PARPBP: variants seen among roughly 807,000 people sequenced by gnomAD.
PARPBP encodes PARP1 binding protein.
A neutral mutation model predicts 50.0 loss-of-function variants in PARPBP; 52 were observed. The observed-to-expected ratio is 1.04, with a 90% CI of 0.83 to 1.31. The LOEUF is 1.31. Among genes scored for constraint, PARPBP ranks in the 50% most tolerant of loss-of-function variants. The pLI, the probability that PARPBP is intolerant of heterozygous loss-of-function variation, is 0.00. For missense variants in PARPBP, 697 were observed against 672.0 expected, an observed-to-expected ratio of 1.04 and a Z score of -0.41; for synonymous variants, 244 against 232.1, an observed-to-expected ratio of 1.05 and a Z score of -0.47.
At chr12:102,188,276 TC>T (rs1474848404) in intron 9 of PARPBP, among the ~76,000 whole-genome samples, 4 of 151,934 alleles carry the variant, frequency 2.6e-5, no homozygotes, top group Non-Finnish European at 5.9e-5. Context: ...TTTTTTTTTT[TC>T]AAGATATTTG....
intron 3 of PARPBP, chr12:102,151,563 C>T (rs1017094254): frequency 1.3e-6 from 2 of 1,533,268 alleles, no homozygotes; most frequent in Non-Finnish European, 1.7e-6. Context: ...TCTGATCTAC[C>T]TGGCAGGGGT....
chr12:102,191,142 G>A (rs1890752603), intron 9 of PARPBP, among the ~76,000 whole-genome samples: 1 of 152,100 alleles, frequency 6.6e-6, no homozygotes, highest in Non-Finnish European at 1.5e-5. Flanking sequence ...AACTCTGGAA[G>A]GCATCATTTT....
At chr12:102,161,745 A>T (rs1335301998) in intron 4 of PARPBP, among the ~76,000 whole-genome samples, 1 of 152,194 alleles carries the variant, frequency 6.6e-6, no homozygotes, top group African/African-American at 2.4e-5. Context: ...ACATAGTGAA[A>T]TATTGTATCC....
chr12:102,144,145 A>G (rs1377640016), intron 2 of PARPBP, among the ~76,000 whole-genome samples: 2 of 152,228 alleles, frequency 1.3e-5, no homozygotes, highest in African/African-American at 4.8e-5. Context: ...ATAGCCCATT[A>G]GTGCTCTTAA....
At chr12:102,164,715 G>T in intron 5 of PARPBP, 107 bp downstream of exon 5, 3 of 859,598 alleles carry the variant, frequency 3.5e-6, no homozygotes, top group Non-Finnish European at 5.8e-6. Flanking sequence ...GTTAATTTAT[G>T]TTCTACCTCT....
chr12:102,127,658 G>A (rs916299407), intron 2 of PARPBP, among the ~76,000 whole-genome samples: 2 of 152,078 alleles, frequency 1.3e-5, no homozygotes, highest in African/African-American at 4.8e-5. Flanking sequence ...TGACCTGGAG[G>A]TTGGTTCTAT....
At chr12:102,140,663 C>T (rs1277548845) in intron 2 of PARPBP, among the ~76,000 whole-genome samples, 1 of 152,170 alleles carries the variant, frequency 6.6e-6, no homozygotes, top group Non-Finnish European at 1.5e-5. Context: ...AAATGTGTCC[C>T]AGAGATTCTG....
At chr12:102,135,536 C>CAAA (rs34890863) in intron 2 of PARPBP, among the ~76,000 whole-genome samples, 63 of 50,434 alleles carry the variant, frequency 1.2e-3, no homozygotes, top group Middle Eastern at 7.7e-3. Context: ...ACTCCGTCTC[C>CAAA]AAAAAAAAAA....
rs1041032021 is a variant in PARPBP, at chr12:102,155,049, G to C, written c.495+1073G>C. ...ATTGCTTGCCAATCAGAAAATCTTTGAATCTACCTATGACCTATAAGCCCC... is the reference window on the plus strand; with the variant it reads ...ATTGCTTGCCAATCAGAAAATCTTTCAATCTACCTATGACCTATAAGCCCC... On this transcript the variant is annotated intron_variant, in intron 4 of 10. Coordinates refer to ENST00000327680, the MANE Select transcript of PARPBP (RefSeq NM_017915.5). The C allele has an allele frequency of 1.0e-4, 32 of 318,320 alleles. 1 individual carries two copies. In the Admixed American group the frequency reaches 1.1e-3, roughly 11 times the overall value. 19.7% of individuals were successfully genotyped at this position (318,320 alleles called of 1,614,324 possible).
intron 4 of PARPBP, chr12:102,155,188 C>A: frequency 6.3e-6 from 1 of 159,124 alleles, no homozygotes; most frequent in Non-Finnish European, 1.4e-5. Flanking sequence ...GAGGCTGAGG[C>A]AGGGGAATTG....
At chr12:102,170,905 C>CTTTTTTTTTTTTTT (rs56390964) in intron 6 of PARPBP, among the ~76,000 whole-genome samples, 2 of 113,306 alleles carry the variant, frequency 1.8e-5, no homozygotes, top group East Asian at 2.5e-4. Context: ...TTTAATTTTT[C>CTTTTTTTTTTTTTT]TTTTTTTTTT....
chr12:102,123,503 T>G (rs1176562794), intron 1 of PARPBP, among the ~76,000 whole-genome samples: 2 of 151,630 alleles, frequency 1.3e-5, no homozygotes, highest in Admixed American at 1.3e-4. Context: ...TTTAGGTTTT[T>G]TTTTTTTTTT....
intron 2 of PARPBP, among the ~76,000 whole-genome samples, chr12:102,144,545 T>G (rs977411632): frequency 6.6e-6 from 1 of 152,206 alleles, no homozygotes; most frequent in African/African-American, 2.4e-5. Flanking sequence ...AAAATGTTTT[T>G]ACAATCCCAG....
At chr12:102,166,836 C>G (rs983764952) in intron 6 of PARPBP, among the ~76,000 whole-genome samples, 2 of 151,934 alleles carry the variant, frequency 1.3e-5, no homozygotes, top group Non-Finnish European at 2.9e-5. Flanking sequence ...ATATGGATAT[C>G]CATTACAAAG....
At chr12:102,170,905 C>CTTTTTTTTTTTTTTTTTTTTTTTT (rs56390964) in intron 6 of PARPBP, among the ~76,000 whole-genome samples, 1 of 113,312 alleles carries the variant, frequency 8.8e-6, no homozygotes, top group Non-Finnish European at 1.9e-5. Context: ...TTTAATTTTT[C>CTTTTTTTTTTTTTTTTTTTTTTTT]TTTTTTTTTT....
chr12:102,159,520 T>C (rs1367550120), intron 4 of PARPBP, among the ~76,000 whole-genome samples: 1 of 152,232 alleles, frequency 6.6e-6, no homozygotes, highest in Admixed American at 6.5e-5. Context: ...TGTTTACTAA[T>C]ATGACACCAG....
chr12:102,195,557 G>A, intron 10 of PARPBP, 110 bp downstream of exon 10: 3 of 798,568 alleles, frequency 3.8e-6, no homozygotes, highest in South Asian at 1.7e-5. Context: ...AAATGTAAAG[G>A]GTAATATTTT....
At chr12:102,120,563 G>T in intron 1 of PARPBP, 1 of 453,538 alleles carries the variant, frequency 2.2e-6, no homozygotes, top group Non-Finnish European at 4.4e-6. Context: ...CATTAGTTAG[G>T]CAGGAAACCT....
intron 3 of PARPBP, chr12:102,148,781 A>C (rs1042195323): frequency 9.0e-5 from 20 of 222,538 alleles, no homozygotes; most frequent in Middle Eastern, 3.0e-3. Flanking sequence ...TTTTGTATTC[A>C]CTTTCTTGAT....
Sources: allele counts gnomAD v4.1 joint callset (sites outside exome capture counted in the v4.1 genomes callset), GRCh38; gene constraint gnomAD v4.1.1; transcripts MANE v1.5; gene names NCBI Gene and HGNC (gene_info 2026-07-23, HGNC 2026-07-21).